RNF150: variants seen among roughly 807,000 people sequenced by gnomAD.
RNF150 encodes ring finger protein 150.
RNF150 carries 24 observed loss-of-function variants against 39.3 expected under a neutral mutation model. The ratio of observed to expected loss-of-function variants is 0.61; its 90% CI spans 0.44 to 0.86. The LOEUF is 0.86. Among genes scored for constraint, RNF150 ranks in the 40% least tolerant of loss-of-function variants. The pLI is 0.00. For synonymous variants in RNF150, 255 were observed against 227.3 expected, an observed-to-expected ratio of 1.12 and a Z score of -1.10; for missense variants, 502 against 587.8, an observed-to-expected ratio of 0.85 and a Z score of 1.51.
At chr4:140,986,636 A>G (rs759312277) in intron 1 of RNF150, among the ~76,000 whole-genome samples, 1 of 152,006 alleles carries the variant, frequency 6.6e-6, no homozygotes, top group Non-Finnish European at 1.5e-5. Context: ...GTAGATGAAG[A>G]CTTAACTCAC....
intron 1 of RNF150, among the ~76,000 whole-genome samples, chr4:140,971,253 G>T (rs1425432): frequency 0.52 from 78,569 of 151,582 alleles, 20,748 homozygotes; most frequent in East Asian, 0.79. Flanking sequence ...TCTGTGGGTG[G>T]GTGTGAGGCA....
At chr4:140,980,736 C>T (rs1340938266) in intron 1 of RNF150, among the ~76,000 whole-genome samples, 3 of 152,118 alleles carry the variant, frequency 2.0e-5, no homozygotes, top group African/African-American at 4.8e-5. Flanking sequence ...CTTCCCCTTC[C>T]GCATGATTGT....
At chr4:140,921,175 T>TATAATAATA (rs58434636) in intron 5 of RNF150, among the ~76,000 whole-genome samples, 28 of 148,184 alleles carry the variant, frequency 1.9e-4, no homozygotes, top group African/African-American at 7.0e-4. Context: ...AAACTTAAAG[T>TATAATAATA]ATAATAATAA....
intron 1 of RNF150, among the ~76,000 whole-genome samples, chr4:141,028,491 A>G (rs1299139626): frequency 6.6e-6 from 1 of 152,216 alleles, no homozygotes; most frequent in African/African-American, 2.4e-5. Context: ...CATAATCGTT[A>G]TAGGCAGTGC....
chr4:141,196,270 A>G (rs1550057), intron 1 of RNF150, among the ~76,000 whole-genome samples: 38,359 of 152,064 alleles, frequency 0.25, 5,347 homozygotes, highest in East Asian at 0.62. Context: ...TGTCTCCTCC[A>G]TTTGAGGAGA....
At chr4:141,177,424 C>A (rs189750026) in intron 1 of RNF150, among the ~76,000 whole-genome samples, 125 of 152,124 alleles carry the variant, frequency 8.2e-4, no homozygotes, top group African/African-American at 2.8e-3. Context: ...TTGATTATCT[C>A]TCTCTCTCTC....
At chr4:141,016,590 C>T (rs1376634360) in intron 1 of RNF150, among the ~76,000 whole-genome samples, 7 of 152,232 alleles carry the variant, frequency 4.6e-5, no homozygotes, top group African/African-American at 1.4e-4. Context: ...ACAACTGGCT[C>T]GCTCTTGAAT....
At chr4:141,011,135 C>G (rs1357432432) in intron 1 of RNF150, among the ~76,000 whole-genome samples, 2 of 151,688 alleles carry the variant, frequency 1.3e-5, no homozygotes, top group African/African-American at 2.4e-5. Flanking sequence ...AAAGTATTGG[C>G]TATAATACTG....
chr4:141,096,819 G>A (rs1435928982), intron 1 of RNF150, among the ~76,000 whole-genome samples: 2 of 152,194 alleles, frequency 1.3e-5, no homozygotes, highest in African/African-American at 4.8e-5. Flanking sequence ...TAAGCAAGTG[G>A]ACAGAGTGCT....
intron 6 of RNF150, among the ~76,000 whole-genome samples, chr4:140,904,667 G>A (rs1032704031): frequency 1.3e-5 from 2 of 152,200 alleles, no homozygotes; most frequent in African/African-American, 4.8e-5. Flanking sequence ...GTAGCAAAGT[G>A]TAGCTGCACA....
intron 1 of RNF150, among the ~76,000 whole-genome samples, chr4:141,202,796 A>G (rs192605199): frequency 6.3e-4 from 95 of 151,956 alleles, no homozygotes; most frequent in Non-Finnish European, 1.3e-3. Context: ...AGACAAAAAA[A>G]TTTCAAAAGT....
At chr4:140,960,217 A>G (rs1029967951) in intron 2 of RNF150, among the ~76,000 whole-genome samples, 1 of 152,136 alleles carries the variant, frequency 6.6e-6, no homozygotes, top group African/African-American at 2.4e-5. Context: ...TCTCACACAT[A>G]TGGTAACCAT....
At chr4:140,979,393 G>A (rs1042155571) in intron 1 of RNF150, among the ~76,000 whole-genome samples, 5 of 151,938 alleles carry the variant, frequency 3.3e-5, no homozygotes, top group Non-Finnish European at 7.4e-5. Context: ...GGTGACTTTG[G>A]AAGACTTATT....
At chr4:141,157,215 T>C (rs1209196325) in intron 1 of RNF150, among the ~76,000 whole-genome samples, 1 of 150,852 alleles carries the variant, frequency 6.6e-6, no homozygotes, top group South Asian at 2.1e-4. Flanking sequence ...GCACAATATC[T>C]CCCCCCCCAA....
chr4:140,991,744 A>G (rs1462975464), intron 1 of RNF150, among the ~76,000 whole-genome samples: 1 of 152,172 alleles, frequency 6.6e-6, no homozygotes, highest in Non-Finnish European at 1.5e-5. Context: ...TCTATATGAA[A>G]TTTTACAACA....
chr4:140,965,242 G>C (rs1733191672), intron 2 of RNF150, among the ~76,000 whole-genome samples: 1 of 152,110 alleles, frequency 6.6e-6, no homozygotes, highest in African/African-American at 2.4e-5. Flanking sequence ...GAGCTAACAA[G>C]TGTTGGTGAG....
intron 1 of RNF150, among the ~76,000 whole-genome samples, chr4:141,046,248 G>T (rs1306448224): frequency 6.6e-6 from 1 of 152,138 alleles, no homozygotes; most frequent in African/African-American, 2.4e-5. Context: ...TTAGATGGGG[G>T]AATACACTTC....
At chr4:141,161,608 G>C (rs145074175) in intron 1 of RNF150, among the ~76,000 whole-genome samples, 1,608 of 152,282 alleles carry the variant, frequency 0.011, 17 homozygotes, top group Non-Finnish European at 0.016. Flanking sequence ...AACTTTTGTC[G>C]CAACCCCTCC....
At chr4:141,020,304 A>T (rs1483064180) in intron 1 of RNF150, among the ~76,000 whole-genome samples, 1 of 152,138 alleles carries the variant, frequency 6.6e-6, no homozygotes, top group Admixed American at 6.6e-5. Flanking sequence ...TAATTTACAC[A>T]CATGCACACA....
Sources: allele counts gnomAD v4.1 joint callset (sites outside exome capture counted in the v4.1 genomes callset), GRCh38; gene constraint gnomAD v4.1.1; transcripts MANE v1.5; gene names NCBI Gene and HGNC (gene_info 2026-07-23, HGNC 2026-07-21).